Variants in TLE1 observed in about 807,000 individuals in gnomAD.
The protein encoded by TLE1 is transducin-like enhancer protein 1.
In TLE1, 21 loss-of-function variants were observed where a neutral mutation model predicts 89.8. That is an observed-to-expected ratio of 0.23 (90% CI 0.17 to 0.34). TLE1 has a LOEUF of 0.34. Among genes scored for constraint, TLE1 ranks in the 10% least tolerant of loss-of-function variants. The pLI, the probability that TLE1 is intolerant of heterozygous loss-of-function variation, is 1.00. For synonymous variants in TLE1, 447 were observed against 407.6 expected (o/e 1.10, Z -1.16); for missense variants, 795 against 1,031.2 (o/e 0.77, Z 3.14).
chr9:81,678,614 A>G (rs1019175944), intron 4 of TLE1, among the ~76,000 whole-genome samples: 4 of 152,074 alleles, frequency 2.6e-5, no homozygotes, highest in Admixed American at 6.5e-5. Context: ...CACAAGTTCA[A>G]TACCAGCCTG....
intron 4 of TLE1, among the ~76,000 whole-genome samples, chr9:81,679,777 G>A (rs562867757): frequency 6.6e-6 from 1 of 152,206 alleles, no homozygotes; most frequent in East Asian, 1.9e-4. Context: ...GGAGGGGAGA[G>A]GGTAGGAAAC....
chr9:81,615,154 C>T (rs558627616), intron 11 of TLE1, among the ~76,000 whole-genome samples: 2 of 130,626 alleles, frequency 1.5e-5, no homozygotes, highest in African/African-American at 2.8e-5. Flanking sequence ...AACATGGATG[C>T]GTGTACACCC....
At chr9:81,617,616 C>A (rs1824712108) in intron 9 of TLE1, among the ~76,000 whole-genome samples, 1 of 152,178 alleles carries the variant, frequency 6.6e-6, no homozygotes, top group Admixed American at 6.5e-5. Flanking sequence ...GCACAAGGAT[C>A]GTTTGAACCC....
In TLE1 at chr9:81,616,043, C is replaced by A. The variant is rs1824461319; in HGVS notation, c.857G>T (p.Ser286Ile). 6.2e-7 allele frequency: 1 copy of A among 1,614,058 alleles called. No individual in the cohort carries two copies. The highest frequency in any genetic ancestry group is 8.5e-7 in the Non-Finnish European group (1 of 1,180,042). ...TGCCGAGGAGGCCGTGGAAGCTGGACTGCTAGAAGCATCCTTCTTTAGCAG... is the reference window on the plus strand; with the variant it reads ...TGCCGAGGAGGCCGTGGAAGCTGGAATGCTAGAAGCATCCTTCTTTAGCAG... ...NRLLKKDASSSPASTASSASS... is the reference protein window; with the variant it reads ...NRLLKKDASSIPASTASSASS... Residue 286 changes from serine (S) to isoleucine (I), a missense_variant, in exon 11 of 20, where the codon AGT becomes ATT. Physicochemically the swap from Ser to Ile is moderately radical, Grantham distance 142. Around this residue, in one of 4 missense-constraint regions of TLE1, gnomAD observed 468 missense variants for 509.1 expected, o/e 0.92. Coordinates refer to ENST00000376499, the MANE Select transcript of TLE1 (RefSeq NM_005077.5).
intron 2 of TLE1, among the ~76,000 whole-genome samples, chr9:81,686,769 C>T (rs951637696): frequency 6.6e-6 from 1 of 152,158 alleles, no homozygotes; most frequent in African/African-American, 2.4e-5. Context: ...ATAAATGTGA[C>T]TCCACTCTCT....
chr9:81,612,451 C>G, intron 12 of TLE1: 3 of 826,036 alleles, frequency 3.6e-6, no homozygotes, highest in Non-Finnish European at 4.4e-6. Context: ...GCCTATTTTC[C>G]TTTGGGCCCA....
intron 14 of TLE1, among the ~76,000 whole-genome samples, chr9:81,599,372 C>A (rs1046130114): frequency 6.6e-6 from 1 of 152,052 alleles, no homozygotes; most frequent in Non-Finnish European, 1.5e-5. Context: ...AGAGGGATAA[C>A]GTGGGACCCA....
chr9:81,610,304 C>T lies in TLE1; in HGVS notation c.1255-8G>A, dbSNP rs1823533569. 16 of 1,611,994 alleles carry T rather than the reference C, an allele frequency of 9.9e-6. No individual in the cohort carries two copies. Among genetic ancestry groups the T allele is most frequent in the Non-Finnish European group, 1.4e-5 (16 of 1,178,740 alleles). On this transcript the variant is annotated splice_region_variant and splice_polypyrimidine_tract_variant and intron_variant, in intron 13 of 19. Coordinates refer to ENST00000376499, the MANE Select transcript of TLE1 (RefSeq NM_005077.5). ...GGGAGGATCAAACCCCACCTGGAAA[C>T]AAAAATAAGGCATTGCAGACTCAGT...
At chr9:81,614,223 A>C (rs541655031) in intron 11 of TLE1, among the ~76,000 whole-genome samples, 1 of 152,134 alleles carries the variant, frequency 6.6e-6, no homozygotes, top group Non-Finnish European at 1.5e-5. Context: ...ACCCCTTTTC[A>C]AGTCTCCTTT....
chr9:81,606,417 C>T (rs815851), intron 14 of TLE1, among the ~76,000 whole-genome samples: 109,452 of 152,046 alleles, frequency 0.72, 40,368 homozygotes, highest in African/African-American at 0.9. Flanking sequence ...GTGGCACATA[C>T]ACACCATGGA....
Position 81,688,390 on chromosome 9 carries a change from G to C in TLE1, c.-150C>G. The C allele has an allele frequency of 7.0e-6, 6 of 855,408 alleles. No homozygotes were observed. In the South Asian group the frequency reaches 7.3e-5, roughly 10 times the overall value. 53.0% of individuals were successfully genotyped at this position (855,408 alleles called of 1,614,324 possible). The stretch of plus-strand genomic sequence containing the variant: ...GCACGCGCGCTCCGCCGGGCGCACC[G>C]GCCACTCGGCGCCCGCAGCTGCTCC... On this transcript the variant is annotated 5_prime_UTR_variant, in exon 1 of 20. Coordinates refer to ENST00000376499, the MANE Select transcript of TLE1 (RefSeq NM_005077.5).
intron 1 of TLE1, among the ~76,000 whole-genome samples, chr9:81,687,873 T>C (rs1834543035): frequency 6.6e-6 from 1 of 151,856 alleles, no homozygotes; most frequent in Non-Finnish European, 1.5e-5. Flanking sequence ...CGGGGCCGCA[T>C]TGACATGTAA....
At position 81,626,908 on chromosome 9, in the gene TLE1, C is replaced by T. The variant is rs545632194; in HGVS notation, c.595-6351G>A. Among the ~76,000 whole-genome samples, 164 of 152,298 alleles carry T rather than the reference C, an allele frequency of 1.1e-3. 2 individuals are homozygous for T. Among genetic ancestry groups the T allele is most frequent in the African/African-American group, 3.6e-3 (148 of 41,562 alleles). ...TTTAAAATTAATTTTTAAATAACCTCATGACACTGCCGTTCCCCAGCTCAG... is the reference window on the plus strand; with the variant it reads ...TTTAAAATTAATTTTTAAATAACCTTATGACACTGCCGTTCCCCAGCTCAG... On this transcript the variant is annotated intron_variant, in intron 8 of 19. Coordinates refer to ENST00000376499, the MANE Select transcript of TLE1 (RefSeq NM_005077.5).
At chr9:81,685,810 A>G in intron 3 of TLE1, 23 bp downstream of exon 3, 4 of 1,613,886 alleles carry the variant, frequency 2.5e-6, no homozygotes, top group African/African-American at 1.3e-5. Context: ...GAAAAAGGAA[A>G]AAGTCCAATC....
rs771726730 is a variant in TLE1 at position 81,616,703 on chromosome 9, GA to G, written c.712-5del. The G allele has an allele frequency of 8.7e-6, 14 of 1,613,600 alleles. No homozygotes were observed. In the South Asian group the frequency reaches 1.5e-4, roughly 18 times the overall value. On this transcript the variant is annotated splice_polypyrimidine_tract_variant and splice_region_variant and intron_variant, in intron 9 of 19. Coordinates refer to ENST00000376499, the MANE Select transcript of TLE1 (RefSeq NM_005077.5). ...CGCTTTTGTCACCATCACTGTCCTG[GA>G]AAAAAGAAACATTAACGCCATTTAC...
intron 6 of TLE1, among the ~76,000 whole-genome samples, chr9:81,641,358 A>C (rs1402245062): frequency 6.6e-6 from 1 of 152,170 alleles, no homozygotes; most frequent in African/African-American, 2.4e-5. Context: ...TCACGTAAAG[A>C]GGGGCAAGGG....
At chr9:81,611,664 G>A (rs1295286555) in intron 13 of TLE1, 105 bp downstream of exon 13, 3 of 1,142,162 alleles carry the variant, frequency 2.6e-6, no homozygotes, top group Non-Finnish European at 3.4e-6. Flanking sequence ...GGGGCTGGCT[G>A]CTCCTGCCCA....
At chr9:81,627,512 C>A (rs1299662263) in intron 8 of TLE1, among the ~76,000 whole-genome samples, 1 of 152,088 alleles carries the variant, frequency 6.6e-6, no homozygotes, top group Non-Finnish European at 1.5e-5. Context: ...AAGGGTTCAC[C>A]CTATTCACAG....
chr9:81,632,316 C>T (rs569786678), intron 8 of TLE1, among the ~76,000 whole-genome samples: 34 of 152,146 alleles, frequency 2.2e-4, no homozygotes, highest in Admixed American at 7.9e-4. Flanking sequence ...CACTCCTCCA[C>T]GCACATCCAG....
Sources: allele counts gnomAD v4.1 joint callset (sites outside exome capture counted in the v4.1 genomes callset), GRCh38; gene constraint gnomAD v4.1.1; regional missense constraint gnomAD v4.1.1; transcripts MANE v1.5; gene names NCBI Gene and HGNC (gene_info 2026-07-23, HGNC 2026-07-21).